DMD: variants seen among roughly 807,000 people sequenced by gnomAD.
DMD encodes the protein mutant dystrophin.
In DMD, 63 loss-of-function variants were observed where a neutral mutation model predicts 330.1. That is an observed-to-expected ratio of 0.19 (90% CI 0.16 to 0.24). The LOEUF (loss-of-function observed/expected upper bound fraction) is 0.24. Among genes scored for constraint, DMD ranks in the 10% least tolerant of loss-of-function variants. The pLI is 1.00. For missense variants in DMD, 3,344 were observed against 2,684.1 expected (o/e 1.25, Z -5.43); for synonymous variants, 1,223 against 959.8 (o/e 1.27, Z -5.07).
chrX:31,466,773 T>C (rs1422845824), intron 59 of DMD, among the ~76,000 whole-genome samples: 1 of 111,936 alleles, frequency 8.9e-6, no homozygotes, highest in Non-Finnish European at 1.9e-5. Flanking sequence ...TTTCACGATA[T>C]TGATTCTTCC....
At chrX:32,122,472 T>C (rs1307162148) in intron 44 of DMD, among the ~76,000 whole-genome samples, 3 of 111,994 alleles carry the variant, frequency 2.7e-5, no homozygotes, top group African/African-American at 9.7e-5. Flanking sequence ...AGGTTTGGGA[T>C]GAAGGGTAGG....
At chrX:32,868,847 C>A (rs758705802) in intron 2 of DMD, among the ~76,000 whole-genome samples, 3 of 112,092 alleles carry the variant, frequency 2.7e-5, no homozygotes, top group African/African-American at 9.7e-5. Flanking sequence ...TCCGGGAAGC[C>A]CAGACAAGTG....
At chrX:31,766,875 G>C (rs1433883615) in intron 51 of DMD, among the ~76,000 whole-genome samples, 1 of 105,655 alleles carries the variant, frequency 9.5e-6, no homozygotes, top group African/African-American at 3.4e-5. Context: ...ATATGATTTT[G>C]TGTGTGTGTG....
intron 7 of DMD, among the ~76,000 whole-genome samples, chrX:32,804,936 C>G (rs2076845752): frequency 8.9e-6 from 1 of 112,018 alleles, no homozygotes; most frequent in Non-Finnish European, 1.9e-5. Context: ...AAAAGGACAT[C>G]CACTCAGAAA....
chrX:31,416,366 C>T (rs756024304), intron 60 of DMD, among the ~76,000 whole-genome samples: 16 of 112,193 alleles, frequency 1.4e-4, no homozygotes, highest in Non-Finnish European at 2.8e-4. Flanking sequence ...AATCAAGATA[C>T]ATGGATTAAC....
intron 29 of DMD, among the ~76,000 whole-genome samples, chrX:32,423,008 G>A (rs747979657): frequency 8.1e-5 from 9 of 110,849 alleles, no homozygotes; most frequent in African/African-American, 2.6e-4. Flanking sequence ...TAAAGTTATT[G>A]ACAAGTTTCA....
intron 47 of DMD, among the ~76,000 whole-genome samples, chrX:31,883,725 C>T (rs748608692): frequency 7.4e-4 from 82 of 110,721 alleles, no homozygotes; most frequent in Non-Finnish European, 1.2e-3. Context: ...GAAAAACATC[C>T]TATTACACTG....
At chrX:32,523,485 C>T (rs61053291) in intron 17 of DMD, among the ~76,000 whole-genome samples, 9 of 112,059 alleles carry the variant, frequency 8.0e-5, no homozygotes, top group Middle Eastern at 4.7e-3. Flanking sequence ...ATCATAAGAC[C>T]CTCATTCAAG....
intron 1 of DMD, among the ~76,000 whole-genome samples, chrX:33,248,470 A>C (rs758102990): frequency 8.9e-6 from 1 of 112,553 alleles, no homozygotes; most frequent in African/African-American, 3.2e-5. Context: ...TTTCACAGAT[A>C]GGAGTATGTT....
intron 13 of DMD, among the ~76,000 whole-genome samples, chrX:32,577,304 G>A (rs1204655262): frequency 5.4e-5 from 6 of 111,954 alleles, no homozygotes; most frequent in Non-Finnish European, 1.1e-4. Context: ...TTGAACTTCT[G>A]GCCCCCAGAA....
chrX:32,828,451 TACACACACAC>T (rs566508820), intron 4 of DMD, among the ~76,000 whole-genome samples: 1 of 105,046 alleles, frequency 9.5e-6, no homozygotes, highest in African/African-American at 3.5e-5. Flanking sequence ...AGTGTGTGTA[TACACACACAC>T]ACACACACAC....
intron 63 of DMD, among the ~76,000 whole-genome samples, chrX:31,240,152 C>T (rs957886852): frequency 9.0e-6 from 1 of 110,798 alleles, no homozygotes; most frequent in Non-Finnish European, 1.9e-5. Flanking sequence ...TGACATAACT[C>T]TCCATAGTGC....
intron 17 of DMD, among the ~76,000 whole-genome samples, chrX:32,529,913 T>G (rs1418671793): frequency 8.9e-6 from 1 of 111,769 alleles, no homozygotes; most frequent in Non-Finnish European, 1.9e-5. Flanking sequence ...TTTCCTTATA[T>G]TTGCATGGTC....
chrX:32,672,893 T>A (rs2061719136), intron 9 of DMD, among the ~76,000 whole-genome samples: 1 of 110,733 alleles, frequency 9.0e-6, no homozygotes, highest in Admixed American at 9.7e-5. Context: ...ATATTTGGAT[T>A]AAAGGCTTAC....
chrX:32,733,937 G>A (rs1281893467), intron 7 of DMD, among the ~76,000 whole-genome samples: 1 of 104,972 alleles, frequency 9.5e-6, no homozygotes, highest in Non-Finnish European at 1.9e-5. Context: ...AGGAAATAGA[G>A]ACACAAAAAA....
intron 1 of DMD, among the ~76,000 whole-genome samples, chrX:33,207,699 G>T (rs1318753239): frequency 1.8e-5 from 2 of 111,418 alleles, no homozygotes; most frequent in Non-Finnish European, 3.8e-5. Context: ...CCAAACATAT[G>T]TCAATATTTT....
chrX:32,455,439 ATAAT>A (rs773429612), intron 25 of DMD, among the ~76,000 whole-genome samples: 10 of 111,555 alleles, frequency 9.0e-5, no homozygotes, highest in Non-Finnish European at 1.9e-4. Flanking sequence ...GGGAAAAATA[ATAAT>A]TAATAAAGAG....
At chrX:32,741,588 C>T (rs941562346) in intron 7 of DMD, among the ~76,000 whole-genome samples, 6 of 111,224 alleles carry the variant, frequency 5.4e-5, no homozygotes, top group Admixed American at 2.9e-4. Context: ...TTTGGCTGAA[C>T]GAGTAGTACT....
At chrX:31,602,832 C>T (rs2077434170) in intron 55 of DMD, among the ~76,000 whole-genome samples, 3 of 111,538 alleles carry the variant, frequency 2.7e-5, no homozygotes, top group African/African-American at 9.8e-5. Context: ...AAATATTAGC[C>T]TTCCATTTTA....
Sources: gnomAD v4.1 joint callset for allele counts (sites outside exome capture counted in the v4.1 genomes callset) on GRCh38, gnomAD v4.1.1 for gene constraint, MANE v1.5 for transcripts, NCBI Gene and HGNC (gene_info 2026-07-23, HGNC 2026-07-21) for gene names.